The following DYNC2I1 variants were observed in gnomAD, a reference collection of about 807,000 sequenced individuals.
DYNC2I1 encodes dynein 2 intermediate chain 1.
DYNC2I1 carries 89 observed loss-of-function variants against 133.4 expected under a neutral mutation model. That is an observed-to-expected ratio of 0.67 (90% confidence interval 0.56 to 0.80). The LOEUF is 0.80. Ranked by LOEUF, DYNC2I1 falls within the 30% of genes least tolerant of loss-of-function variation. DYNC2I1 has a pLI of 0.00. For synonymous variants in DYNC2I1, 504 were observed against 484.3 expected (o/e 1.04, Z -0.54); for missense variants, 1,291 against 1,314.5 (o/e 0.98, Z 0.28).
chr7:158,890,672 C>G (rs992357337), intron 7 of DYNC2I1, among the ~76,000 whole-genome samples: 3 of 151,660 alleles, frequency 2.0e-5, no homozygotes, highest in African/African-American at 7.3e-5. Context: ...CTCCTGAGTT[C>G]AAGAGATTTT....
Position 158,879,690 on chromosome 7 carries a change from T to G in DYNC2I1, c.580T>G (p.Tyr194Asp). 6.3e-7 allele frequency: 1 copy of G among 1,579,478 alleles called. No homozygotes were observed. Among genetic ancestry groups the G allele is most frequent in the Non-Finnish European group, 8.6e-7 (1 of 1,168,008 alleles). ...ERRYRERKLQ[Y>D]GDSKDNPLKY... ...AGCTTGTCGTGTTTTACAGCTGCAG[T>G]ACGGAGACAGCAAGGACAACCCTCT... is the stretch of plus-strand genomic sequence containing the variant. Residue 194 changes from tyrosine (Y) to aspartate (D), a missense_variant, in exon 5 of 25, where the codon TAC (tyrosine) becomes GAC (aspartate). Coordinates refer to ENST00000407559, the MANE Select transcript of DYNC2I1 (RefSeq NM_018051.5).
At chr7:158,881,977 T>A (rs1844079141) in intron 5 of DYNC2I1, among the ~76,000 whole-genome samples, 1 of 152,214 alleles carries the variant, frequency 6.6e-6, no homozygotes, top group Non-Finnish European at 1.5e-5. Flanking sequence ...TTACATGTGC[T>A]TAGTTCCACC....
chr7:158,872,977 C>T (rs935463002), intron 3 of DYNC2I1, among the ~76,000 whole-genome samples: 7 of 151,284 alleles, frequency 4.6e-5, no homozygotes, highest in Admixed American at 6.6e-5. Flanking sequence ...GGTGACAGAG[C>T]GAGACTCTGT....
At chr7:158,841,456 G>A in the DYNC2I1 span, among the ~76,000 whole-genome samples, 7 of 151,744 alleles carry the variant, frequency 4.6e-5, no homozygotes, top group Non-Finnish European at 7.4e-5. Context: ...CAGGTGATTC[G>A]CCTGCCTCAG....
upstream of DYNC2I1, among the ~76,000 whole-genome samples, chr7:158,855,147 A>G (rs1841151725): frequency 6.6e-6 from 1 of 152,280 alleles, no homozygotes; most frequent in African/African-American, 2.4e-5. Flanking sequence ...CTGGCTGTGC[A>G]GGAGACTAGA....
chr7:158,919,101 T>G (rs1322875243), intron 15 of DYNC2I1, among the ~76,000 whole-genome samples: 1 of 152,222 alleles, frequency 6.6e-6, no homozygotes, highest in Non-Finnish European at 1.5e-5. Context: ...GGATCCACAG[T>G]AATTTAAACA....
intron 1 of DYNC2I1, among the ~76,000 whole-genome samples, chr7:158,864,568 G>A (rs532613782): frequency 5.9e-4 from 90 of 152,182 alleles, no homozygotes; most frequent in Admixed American, 2.3e-3. Flanking sequence ...GAGTGCAGTG[G>A]CAGTTATCAC....
Position 158,887,987 on chromosome 7 carries a change from T to C in DYNC2I1, c.990+912T>C, listed in dbSNP as rs185297981. Among the ~76,000 whole-genome samples the C allele has an allele frequency of 3.5e-4, 53 of 151,712 alleles. No homozygotes were observed. In the East Asian group the frequency reaches 7.7e-3, roughly 22 times the overall value. On this transcript the variant is annotated intron_variant, in intron 7 of 24. Coordinates refer to ENST00000407559, the MANE Select transcript of DYNC2I1 (RefSeq NM_018051.5). ...ACTTAGTGACTCTAAAATAGCACAC[T>C]GTGGAGTTAGGGTTATTATCAAACC...
intron 5 of DYNC2I1, among the ~76,000 whole-genome samples, chr7:158,880,222 T>C (rs573875707): frequency 6.6e-6 from 1 of 152,346 alleles, no homozygotes; most frequent in Non-Finnish European, 1.5e-5. Flanking sequence ...TTTTAACAGA[T>C]ATTTGGAAAT....
intron 20 of DYNC2I1, among the ~76,000 whole-genome samples, chr7:158,929,561 C>A (rs901582409): frequency 6.6e-6 from 1 of 152,222 alleles, no homozygotes; most frequent in Non-Finnish European, 1.5e-5. Context: ...GGGGGCATGC[C>A]GGGAAGCTTC....
chr7:158,917,940 T>C (rs1848642300), intron 14 of DYNC2I1, among the ~76,000 whole-genome samples: 2 of 152,212 alleles, frequency 1.3e-5, no homozygotes, highest in South Asian at 4.1e-4. Context: ...TCTCCCGTTC[T>C]GTCAGTTCAC....
chr7:158,869,543 A>G, intron 1 of DYNC2I1: 1 of 501,352 alleles, frequency 2.0e-6, no homozygotes, highest in South Asian at 1.6e-5. Flanking sequence ...AAGATATTTT[A>G]AACCCACAGA....
chr7:158,941,870 C>T (rs1851403880), intron 23 of DYNC2I1, 55 bp from the exon 24 acceptor site: 1 of 1,536,042 alleles, frequency 6.5e-7, no homozygotes, highest in Non-Finnish European at 8.8e-7. Context: ...GAGTGAGACC[C>T]TGTCTCAAAA....
chr7:158,871,691 G>A (rs1842900437), intron 3 of DYNC2I1, 129 bp downstream of exon 3: 3 of 1,117,934 alleles, frequency 2.7e-6, no homozygotes, highest in Non-Finnish European at 3.7e-6. Context: ...TTTTTTTTCT[G>A]GACAGGGTCT....
At chr7:158,878,020 T>C (rs1267534906) in intron 4 of DYNC2I1, among the ~76,000 whole-genome samples, 1 of 147,592 alleles carries the variant, frequency 6.8e-6, no homozygotes, top group East Asian at 2.1e-4. Context: ...GAGTGCCGGG[T>C]GCCATGTGGA....
chr7:158,845,386 T>C, the DYNC2I1 span, among the ~76,000 whole-genome samples: 1 of 152,194 alleles, frequency 6.6e-6, no homozygotes, highest in Non-Finnish European at 1.5e-5. Context: ...TTAAAATTAT[T>C]GGTAAAGTAA....
At chr7:158,856,780 G>A in intron 1 of DYNC2I1, 30 bp downstream of exon 1, 9 of 1,233,770 alleles carry the variant, frequency 7.3e-6, no homozygotes, top group Non-Finnish European at 9.1e-6. Context: ...TGGGCGAGGG[G>A]TGGTCGAGCT....
At position 158,923,643 on chromosome 7, in the gene DYNC2I1, G is replaced by C; in HGVS notation, c.2167G>C (p.Val723Leu). Residue 723 changes from valine to leucine, a missense_variant, in exon 17 of 25, where the codon GTC (valine) becomes CTC (leucine). By Grantham distance (32) the Val-to-Leu change is conservative. Transcript: ENST00000407559. Reference sequence around the variant, plus strand: ...CGGAACAGCGCACGGCTCAGTTGTCGTCTGGGATTTGAGAGAAGACTCAAG... The same window carrying C: ...CGGAACAGCGCACGGCTCAGTTGTCCTCTGGGATTTGAGAGAAGACTCAAG... Reference protein sequence around the residue: ...FAGTAHGSVVVWDLREDSRLH... With the variant: ...FAGTAHGSVVLWDLREDSRLH... 6.2e-7 allele frequency: 1 copy of C among 1,613,966 alleles called. No individual in the cohort carries two copies. Among genetic ancestry groups the C allele is most frequent in the Non-Finnish European group, 8.5e-7 (1 of 1,179,896 alleles).
At position 158,934,216 on chromosome 7, in the gene DYNC2I1, T is replaced by G. The variant is rs1850519369; in HGVS notation, c.2634T>G (p.Ile878Met). Residue 878 changes from isoleucine (I) to methionine (M), a missense_variant, in exon 22 of 25, where the codon ATT becomes ATG. Transcript: ENST00000407559. The stretch of plus-strand genomic sequence containing the variant: ...CTTCAGATCCTAATCACTTTATTAT[T>G]GGCACAGACATGGTGAGTAGTATTT... ...FLPSDPNHFIIGTDMGLISHG... is the reference protein window; with the variant it reads ...FLPSDPNHFIMGTDMGLISHG... 6.2e-7 allele frequency: 1 copy of G among 1,611,506 alleles called. No homozygotes were observed. Among genetic ancestry groups the G allele is most frequent in the Non-Finnish European group, 8.5e-7 (1 of 1,179,112 alleles).
Sources: gnomAD v4.1 joint callset for allele counts (sites outside exome capture counted in the v4.1 genomes callset) on GRCh38, gnomAD v4.1.1 for gene constraint, MANE v1.5 for transcripts, NCBI Gene and HGNC (gene_info 2026-07-23, HGNC 2026-07-21) for gene names.